The following MCHR2 variants were observed in gnomAD, a reference collection of about 807,000 sequenced individuals.
MCHR2 encodes melanin-concentrating hormone receptor 2.
MCHR2 carries 15 observed loss-of-function variants against 24.8 expected under a neutral mutation model. The observed-to-expected ratio is 0.60, with a 90% CI of 0.40 to 0.93. The LOEUF (loss-of-function observed/expected upper bound fraction) is 0.93. Ranked by LOEUF, MCHR2 falls within the 40% of genes least tolerant of loss-of-function variation. MCHR2 has a pLI of 0.00. For synonymous variants in MCHR2, 151 were observed against 147.6 expected, an observed-to-expected ratio of 1.02 and a Z score of -0.17; for missense variants, 386 against 408.7, an observed-to-expected ratio of 0.94 and a Z score of 0.48.
intron 1 of MCHR2, among the ~76,000 whole-genome samples, chr6:99,980,420 G>C (rs1775644029): frequency 6.6e-6 from 1 of 152,168 alleles, no homozygotes; most frequent in South Asian, 2.1e-4. Context: ...CTGAGAGCCT[G>C]GGGGAAGCTA....
chr6:99,947,907 T>C lies in MCHR2; in HGVS notation c.247A>G (p.Ile83Val), dbSNP rs201930037. The change falls in exon 3 of 6, where the codon ATA (isoleucine) becomes GTA (valine). Residue 83 changes from isoleucine (I) to valine (V), a missense_variant. Coordinates refer to ENST00000281806, the MANE Select transcript of MCHR2 (RefSeq NM_001040179.2). ...CNLAVADLVH[I>V]VGMPFLIHQW... The stretch of plus-strand genomic sequence containing the variant: ...TGAATAAGAAAAGGCATTCCAACTA[T>C]GTGGACCAAATCAGCCACAGCCAGG... 20 of 1,613,774 alleles carry C rather than the reference T, an allele frequency of 1.2e-5. No homozygotes were observed. The East Asian group carries it at 4.5e-4, about 36-fold the overall frequency.
In MCHR2 at chr6:99,942,980, A is replaced by C. The variant is rs772129254; in HGVS notation, c.556T>G (p.Phe186Val). Residue 186 changes from phenylalanine (F) to valine (V), a missense_variant, in exon 4 of 6, where the codon TTT becomes GTT. By Grantham distance (50) the Phe-to-Val change is conservative. Transcript: ENST00000281806. ...ACATCGTCAGGGGATGTCAAATCAA[A>C]AGCACAACTCTCAACACCGTCTTTA... is the stretch of plus-strand genomic sequence containing the variant. ...KFKDGVESCA[F>V]DLTSPDDVLW... The C allele has an allele frequency of 6.2e-7, 1 of 1,612,242 alleles. No homozygotes were observed. Among genetic ancestry groups the C allele is most frequent in the South Asian group, 1.1e-5 (1 of 90,900 alleles).
At chr6:99,947,686 G>T in intron 3 of MCHR2, 76 bp downstream of exon 3, 1 of 1,452,150 alleles carries the variant, frequency 6.9e-7, no homozygotes, top group Non-Finnish European at 9.4e-7. Context: ...CAAAACTGGT[G>T]TTGGAATTGG....
At chr6:99,928,031 G>T (rs1366334833) in intron 5 of MCHR2, among the ~76,000 whole-genome samples, 3 of 152,168 alleles carry the variant, frequency 2.0e-5, no homozygotes, top group African/African-American at 7.2e-5. Context: ...AATTTATTGA[G>T]AGTTTTTAGC....
At chr6:99,975,190 G>C (rs1372265258) in intron 1 of MCHR2, among the ~76,000 whole-genome samples, 1 of 152,220 alleles carries the variant, frequency 6.6e-6, no homozygotes, top group African/African-American at 2.4e-5. Flanking sequence ...TACAGAGGCA[G>C]GCAGGTCTCC....
At chr6:99,948,086 AC>A in intron 2 of MCHR2, 115 bp from the exon 3 acceptor site, 1 of 834,304 alleles carries the variant, frequency 1.2e-6, no homozygotes, top group Non-Finnish European at 1.9e-6. Flanking sequence ...TTAAAGGAAA[AC>A]CTATACAGAT....
intron 5 of MCHR2, among the ~76,000 whole-genome samples, chr6:99,928,057 A>G (rs1407251421): frequency 6.6e-6 from 1 of 152,152 alleles, no homozygotes; most frequent in Non-Finnish European, 1.5e-5. Context: ...GTGTTGTTGA[A>G]TTTTGTCAAA....
chr6:99,939,257 T>C (rs940821678), intron 4 of MCHR2, among the ~76,000 whole-genome samples: 5 of 152,134 alleles, frequency 3.3e-5, no homozygotes, highest in Admixed American at 2.6e-4. Flanking sequence ...TTGTCTTCCT[T>C]TCTTCTTTTC....
chr6:99,964,443 T>C (rs1489644469), intron 1 of MCHR2, among the ~76,000 whole-genome samples: 1 of 151,798 alleles, frequency 6.6e-6, no homozygotes. Context: ...CTCACAATTC[T>C]GCATTGCTGG....
chr6:99,934,355 T>C (rs1361009809), intron 5 of MCHR2, 43 bp downstream of exon 5: 2 of 1,508,930 alleles, frequency 1.3e-6, no homozygotes, highest in African/African-American at 1.4e-5. Context: ...TCTTAGGCTA[T>C]CTAAATTGTT....
At chr6:99,935,662 A>G (rs1391758709) in intron 4 of MCHR2, among the ~76,000 whole-genome samples, 11 of 152,068 alleles carry the variant, frequency 7.2e-5, no homozygotes, top group African/African-American at 2.7e-4. Flanking sequence ...CAGTACAGCA[A>G]TAAACATGGT....
At chr6:99,927,843 A>C (rs1003333599) in intron 5 of MCHR2, among the ~76,000 whole-genome samples, 21 of 152,212 alleles carry the variant, frequency 1.4e-4, no homozygotes, top group African/African-American at 4.8e-4. Flanking sequence ...TCTCCTGCAT[A>C]ATTGCCCTGG....
intron 2 of MCHR2, among the ~76,000 whole-genome samples, chr6:99,948,668 T>A (rs1774918126): frequency 6.6e-6 from 1 of 152,130 alleles, no homozygotes; most frequent in Admixed American, 6.6e-5. Flanking sequence ...TTGGGGTAAT[T>A]TTTTATGCAG....
chr6:99,963,538 A>G (rs1005782703), intron 1 of MCHR2, among the ~76,000 whole-genome samples: 2 of 152,132 alleles, frequency 1.3e-5, no homozygotes, highest in Non-Finnish European at 2.9e-5. Context: ...GAATGAATAT[A>G]AAGTTTCAGT....
intron 2 of MCHR2, among the ~76,000 whole-genome samples, chr6:99,952,087 G>A (rs1416328375): frequency 6.6e-6 from 1 of 152,058 alleles, no homozygotes; most frequent in Non-Finnish European, 1.5e-5. Context: ...TGATTCCCAG[G>A]GCCTGCTGTG....
At chr6:99,921,343 T>TA in intron 5 of MCHR2, 88 bp from the exon 6 acceptor site, 1 of 1,180,526 alleles carries the variant, frequency 8.5e-7, no homozygotes, top group Non-Finnish European at 1.2e-6. Context: ...GGACAGTTCA[T>TA]AATGGCTTTG....
chr6:99,961,672 C>G (rs762143767), intron 1 of MCHR2, among the ~76,000 whole-genome samples: 1 of 151,994 alleles, frequency 6.6e-6, no homozygotes, highest in Non-Finnish European at 1.5e-5. Context: ...CACATAGACA[C>G]AGGGTGGGGG....
At position 99,954,849 on chromosome 6, in the gene MCHR2, A is replaced by C. The variant is rs553632718; in HGVS notation, c.182+1117T>G. On this transcript the variant is annotated intron_variant, in intron 2 of 5. Transcript: ENST00000281806. ...TTACAAAAACTTTGTCTCATGCATA[A>C]AATTATTCAAAATATTACATAAAAT... Among the ~76,000 whole-genome samples the C allele has an allele frequency of 4.6e-4, 70 of 152,272 alleles. No individual in the cohort carries two copies. The South Asian group carries it at 0.014, about 31-fold the overall frequency.
At chr6:99,984,413 C>A (rs12214854) in intron 1 of MCHR2, among the ~76,000 whole-genome samples, 17,191 of 147,626 alleles carry the variant, frequency 0.12, 1,266 homozygotes, top group Admixed American at 0.17. Flanking sequence ...CTCCCCCCCA[C>A]CCCCGTCTTT....
Sources: gnomAD v4.1 joint callset for allele counts (sites outside exome capture counted in the v4.1 genomes callset) on GRCh38, gnomAD v4.1.1 for gene constraint, MANE v1.5 for transcripts, NCBI Gene and HGNC (gene_info 2026-07-23, HGNC 2026-07-21) for gene names.